CELF4: variants seen among roughly 807,000 people sequenced by gnomAD.
CELF4 encodes the protein CUGBP Elav-like family member 4.
A neutral mutation model predicts 59.9 loss-of-function variants in CELF4; 18 were observed. The ratio of observed to expected loss-of-function variants is 0.30; its 90% confidence interval spans 0.21 to 0.45. CELF4 has a LOEUF of 0.45. CELF4 is among the 20% of genes least tolerant of loss of function. CELF4 has a pLI of 1.00. For missense variants in CELF4, 456 were observed against 689.0 expected (o/e 0.66, Z 3.79); for synonymous variants, 261 against 267.1 (o/e 0.98, Z 0.22).
chr18:37,294,192 A>G (rs191015205), intron 3 of CELF4, among the ~76,000 whole-genome samples: 3 of 152,126 alleles, frequency 2.0e-5, no homozygotes, highest in Admixed American at 2.0e-4. Flanking sequence ...TGCTGGGGAG[A>G]TGTCTTTGGA....
chr18:37,337,205 A>T (rs1308564887), intron 2 of CELF4, among the ~76,000 whole-genome samples: 1 of 152,160 alleles, frequency 6.6e-6, no homozygotes, highest in African/African-American at 2.4e-5. Context: ...GTGTGGGCCC[A>T]ACTGGCCTGG....
At chr18:37,422,542 G>A (rs2099584446) in intron 2 of CELF4, among the ~76,000 whole-genome samples, 1 of 152,256 alleles carries the variant, frequency 6.6e-6, no homozygotes, top group Non-Finnish European at 1.5e-5. Context: ...GGAGCCTGGA[G>A]GAGGGAGCAG....
intron 1 of CELF4, among the ~76,000 whole-genome samples, chr18:37,505,632 G>A (rs2154604058): frequency 6.6e-6 from 1 of 152,324 alleles, no homozygotes; most frequent in Admixed American, 6.5e-5. Flanking sequence ...GTGGCTGGCA[G>A]GGGAGCAGGG....
chr18:37,249,508 C>T (rs2064114813), intron 12 of CELF4, among the ~76,000 whole-genome samples: 1 of 152,190 alleles, frequency 6.6e-6, no homozygotes, highest in Non-Finnish European at 1.5e-5. Context: ...GTCCCTAAAG[C>T]TCAATCTAGG....
At chr18:37,510,803 C>G (rs757940314) in intron 1 of CELF4, among the ~76,000 whole-genome samples, 6 of 152,204 alleles carry the variant, frequency 3.9e-5, no homozygotes, top group Non-Finnish European at 5.9e-5. Context: ...CACATGCTCC[C>G]CCTTTCACCA....
At chr18:37,470,267 G>C (rs17750232) in intron 2 of CELF4, among the ~76,000 whole-genome samples, 12,390 of 152,274 alleles carry the variant, frequency 0.081, 549 homozygotes, top group East Asian at 0.13. Context: ...ACCAGTGTTT[G>C]CAAGTGGCTT....
At chr18:37,383,034 GTA>G (rs527724754) in intron 2 of CELF4, among the ~76,000 whole-genome samples, 53 of 145,920 alleles carry the variant, frequency 3.6e-4, no homozygotes, top group African/African-American at 1.2e-3. Context: ...ATGTATGTAT[GTA>G]TGTATGTATG....
intron 2 of CELF4, among the ~76,000 whole-genome samples, chr18:37,458,224 G>A (rs2099784068): frequency 6.6e-6 from 1 of 152,140 alleles, no homozygotes; most frequent in Admixed American, 6.5e-5. Context: ...TTTCCCATTA[G>A]GGCTCTGCTT....
chr18:37,273,361 G>A, intron 6 of CELF4, 198 bp from the exon 7 acceptor site: 1 of 1,361,910 alleles, frequency 7.3e-7, no homozygotes. Flanking sequence ...CCTGAGAGAT[G>A]ACTGTATTTA....
At chr18:37,381,587 G>A (rs2099041393) in intron 2 of CELF4, among the ~76,000 whole-genome samples, 1 of 152,120 alleles carries the variant, frequency 6.6e-6, no homozygotes, top group Non-Finnish European at 1.5e-5. Flanking sequence ...CATTTGAATG[G>A]GGTCTCTCTG....
chr18:37,312,952 C>T (rs962075699), intron 3 of CELF4, among the ~76,000 whole-genome samples: 11 of 152,226 alleles, frequency 7.2e-5, no homozygotes, highest in African/African-American at 2.7e-4. Context: ...CCCCAAAACA[C>T]ATATACAGGG....
intron 2 of CELF4, among the ~76,000 whole-genome samples, chr18:37,456,324 G>T (rs78648089): frequency 6.6e-6 from 1 of 152,040 alleles, no homozygotes; most frequent in Admixed American, 6.5e-5. Context: ...GGGGTGGCCC[G>T]TAGTGCTGGC....
At position 37,408,346 on chromosome 18, in the gene CELF4, C is replaced by T. The variant is rs527478698; in HGVS notation, c.369+77179G>A. Among the ~76,000 whole-genome samples, 23 of 152,166 alleles carry T rather than the reference C, an allele frequency of 1.5e-4. No homozygotes were observed. In the South Asian group the frequency reaches 4.8e-3, roughly 32 times the overall value. ...GCTACTGTCTTTCTCTTAGGAAGAC[C>T]CTGAACCATATCTTTCAAAGGACTG... On this transcript the variant is annotated intron_variant, in intron 2 of 12. Coordinates refer to ENST00000420428, the MANE Select transcript of CELF4 (RefSeq NM_020180.4).
chr18:37,506,340 G>A (rs3017021), intron 1 of CELF4, among the ~76,000 whole-genome samples: 132,682 of 152,182 alleles, frequency 0.87, 58,507 homozygotes, highest in East Asian at 0.96. Flanking sequence ...AAAAAATCCC[G>A]CAGTGTAGGG....
At chr18:37,468,816 T>A (rs907315440) in intron 2 of CELF4, among the ~76,000 whole-genome samples, 27 of 151,972 alleles carry the variant, frequency 1.8e-4, no homozygotes, top group Non-Finnish European at 3.2e-4. Context: ...TGTAAAACCA[T>A]CAGATCTTGT....
chr18:37,557,057 A>G (rs1603644134), intron 1 of CELF4, among the ~76,000 whole-genome samples: 1 of 152,318 alleles, frequency 6.6e-6, no homozygotes, highest in African/African-American at 2.4e-5. Context: ...TCAATACAGC[A>G]TCATCTATGC....
At chr18:37,270,128 A>C (rs1350862455) in intron 8 of CELF4, among the ~76,000 whole-genome samples, 1 of 152,232 alleles carries the variant, frequency 6.6e-6, no homozygotes, top group African/African-American at 2.4e-5. Context: ...AGGACGGCTA[A>C]GTTTGAGGAA....
rs1279636179 is a variant in CELF4 at position 37,428,451 on chromosome 18, T to C, written c.369+57074A>G. 3.9e-5 allele frequency among the ~76,000 whole-genome samples: 6 copies of C among 152,152 alleles called. 1 individual carries two copies. The highest frequency in any genetic ancestry group is 8.8e-5 in the Non-Finnish European group (6 of 68,036). ...AAGGAGGTGCTAAGCAGAGAGGTTT[T>C]TCTATGGGAGTGCATCTTTTGGGGT... is the stretch of plus-strand genomic sequence containing the variant. On this transcript the variant is annotated intron_variant, in intron 2 of 12. Coordinates refer to ENST00000420428, the MANE Select transcript of CELF4 (RefSeq NM_020180.4).
At chr18:37,381,642 C>CCCAGG (rs1356874414) in intron 2 of CELF4, among the ~76,000 whole-genome samples, 1 of 152,182 alleles carries the variant, frequency 6.6e-6, no homozygotes, top group Non-Finnish European at 1.5e-5. Flanking sequence ...TTTCCCACTA[C>CCCAGG]CCAGGCCAGG....
Sources: gnomAD v4.1 joint callset for allele counts (sites outside exome capture counted in the v4.1 genomes callset) on GRCh38, gnomAD v4.1.1 for gene constraint, MANE v1.5 for transcripts, NCBI Gene and HGNC (gene_info 2026-07-23, HGNC 2026-07-21) for gene names.